The following DCUN1D1 variants were observed in gnomAD, a reference collection of about 807,000 sequenced individuals.
DCUN1D1 encodes DCN1-like protein 1.
DCUN1D1 carries 3 observed loss-of-function variants against 39.0 expected under a neutral mutation model. The observed-to-expected ratio is 0.08, with a 90% CI of 0.04 to 0.20. The LOEUF (loss-of-function observed/expected upper bound fraction) is 0.20. DCUN1D1 is among the 10% of genes least tolerant of loss of function. The pLI, the probability that DCUN1D1 is intolerant of heterozygous loss-of-function variation, is 1.00. For synonymous variants in DCUN1D1, 82 were observed against 96.3 expected, an observed-to-expected ratio of 0.85 and a Z score of 0.87; for missense variants, 158 against 302.4, an observed-to-expected ratio of 0.52 and a Z score of 3.54.
upstream of DCUN1D1, among the ~76,000 whole-genome samples, chr3:182,981,576 G>A (rs1728552457): frequency 1.3e-5 from 2 of 151,514 alleles, no homozygotes; most frequent in Admixed American, 1.3e-4. Context: ...AGCTAAGAAA[G>A]CAAACTCACT....
intron 4 of DCUN1D1, among the ~76,000 whole-genome samples, chr3:182,948,021 C>G (rs948203509): frequency 1.3e-5 from 2 of 152,132 alleles, no homozygotes; most frequent in African/African-American, 4.8e-5. Context: ...GTCCTGTGTA[C>G]TGTAGGAAAT....
In DCUN1D1 at chr3:182,980,538, T is replaced by A. The variant is rs978493757; in HGVS notation, c.-49A>T. ...CCTCCTCCTCCGGCTCCGCAGCGAA[T>A]GGACGGCGGCGGCGGCGGCGGCTCC... is the stretch of plus-strand genomic sequence containing the variant. On this transcript the variant is annotated 5_prime_UTR_variant, in exon 1 of 7. Coordinates refer to ENST00000292782, the MANE Select transcript of DCUN1D1 (RefSeq NM_020640.4). The A allele has an allele frequency of 4.1e-6, 5 of 1,224,692 alleles. No individual in the cohort carries two copies. The highest frequency in any genetic ancestry group is 5.2e-6 in the Non-Finnish European group (5 of 965,410). The allele number at this position is 1,224,692 out of a possible 1,614,324, so 75.9% of individuals were successfully genotyped here.
chr3:182,949,489 G>C (rs968052564), intron 4 of DCUN1D1, among the ~76,000 whole-genome samples: 2 of 152,270 alleles, frequency 1.3e-5, no homozygotes, highest in East Asian at 3.9e-4. Flanking sequence ...GGAAGCTGAG[G>C]CGAGAAGACT....
chr3:182,966,350 T>C (rs1031793703), intron 1 of DCUN1D1, among the ~76,000 whole-genome samples: 14 of 152,182 alleles, frequency 9.2e-5, no homozygotes, highest in Admixed American at 9.2e-4. Context: ...TCGACATTTC[T>C]CCTAGTTGTA....
At chr3:182,958,117 G>A (rs1727187306) in intron 4 of DCUN1D1, among the ~76,000 whole-genome samples, 1 of 151,696 alleles carries the variant, frequency 6.6e-6, no homozygotes, top group Admixed American at 6.6e-5. Flanking sequence ...TAATTTAAGA[G>A]CACTGTGAAC....
At chr3:182,969,276 C>T (rs1007348769) in intron 1 of DCUN1D1, among the ~76,000 whole-genome samples, 2 of 152,214 alleles carry the variant, frequency 1.3e-5, no homozygotes, top group Non-Finnish European at 2.9e-5. Context: ...GTAACACTCC[C>T]ATCCCCTTTT....
intron 4 of DCUN1D1, among the ~76,000 whole-genome samples, chr3:182,958,496 T>G (rs1727211653): frequency 1.3e-5 from 2 of 152,046 alleles, no homozygotes. Context: ...TGTATGGCTG[T>G]GGGGGGGTCT....
At chr3:182,977,501 A>G (rs1728295961) in intron 1 of DCUN1D1, among the ~76,000 whole-genome samples, 1 of 151,884 alleles carries the variant, frequency 6.6e-6, no homozygotes, top group Non-Finnish European at 1.5e-5. Context: ...CAATGACGCG[A>G]TCTCGGCTCA....
At chr3:182,977,802 G>A (rs960678930) in intron 1 of DCUN1D1, among the ~76,000 whole-genome samples, 1 of 151,888 alleles carries the variant, frequency 6.6e-6, no homozygotes, top group African/African-American at 2.4e-5. Flanking sequence ...CACCTTGGGC[G>A]GCCGAGGCAG....
At chr3:182,968,939 C>T (rs1290292379) in intron 1 of DCUN1D1, among the ~76,000 whole-genome samples, 1 of 152,142 alleles carries the variant, frequency 6.6e-6, no homozygotes, top group Non-Finnish European at 1.5e-5. Flanking sequence ...TAAATTTCCA[C>T]TATATAGGGC....
intron 2 of DCUN1D1, among the ~76,000 whole-genome samples, chr3:182,964,635 CTTTTT>C (rs951243180): frequency 1.9e-5 from 2 of 107,486 alleles, no homozygotes; most frequent in Admixed American, 1.0e-4. Flanking sequence ...TAACACCTTT[CTTTTT>C]TTTTTTTTTT....
At chr3:182,969,313 G>A (rs1312725740) in intron 1 of DCUN1D1, among the ~76,000 whole-genome samples, 2 of 152,218 alleles carry the variant, frequency 1.3e-5, no homozygotes, top group Non-Finnish European at 2.9e-5. Context: ...GTACCAGGCA[G>A]TGTTCTGATT....
chr3:182,981,116 TC>T (rs551762220), upstream of DCUN1D1, among the ~76,000 whole-genome samples: 7 of 150,586 alleles, frequency 4.6e-5, no homozygotes, highest in African/African-American at 1.2e-4. Flanking sequence ...GAGACCTTAG[TC>T]CCCCCCCTGC....
upstream of DCUN1D1, among the ~76,000 whole-genome samples, chr3:182,983,309 G>A (rs78404009): frequency 0.029 from 4,376 of 152,178 alleles, 79 homozygotes; most frequent in East Asian, 0.1. Context: ...TCCTCACTGC[G>A]ACACATACTA....
intron 1 of DCUN1D1, among the ~76,000 whole-genome samples, chr3:182,975,134 G>A (rs1390550606): frequency 6.6e-6 from 1 of 150,988 alleles, no homozygotes; most frequent in Non-Finnish European, 1.5e-5. Context: ...TGACCCAAAT[G>A]ACCTGTTCTT....
At chr3:182,955,552 A>G in intron 4 of DCUN1D1, 4 of 526,824 alleles carry the variant, frequency 7.6e-6, no homozygotes, top group South Asian at 5.6e-5. Flanking sequence ...ATGCCACTCA[A>G]GAACTTCTTT....
intron 1 of DCUN1D1, among the ~76,000 whole-genome samples, chr3:182,977,538 T>C (rs1299239327): frequency 6.6e-6 from 1 of 151,950 alleles, no homozygotes; most frequent in Admixed American, 6.6e-5. Context: ...TGGGTTCCAG[T>C]GATTCTCCCG....
intron 4 of DCUN1D1, among the ~76,000 whole-genome samples, chr3:182,954,824 T>C (rs536582458): frequency 1.6e-4 from 25 of 152,300 alleles, no homozygotes; most frequent in Non-Finnish European, 3.1e-4. Flanking sequence ...TATAATAATG[T>C]CATTTTATTT....
chr3:182,947,101 C>A, intron 6 of DCUN1D1, 137 bp downstream of exon 6: 1 of 584,026 alleles, frequency 1.7e-6, no homozygotes, highest in Non-Finnish European at 3.0e-6. Flanking sequence ...GACTCTATCT[C>A]AAAAAAAACA....
Sources: gnomAD v4.1 joint callset for allele counts (sites outside exome capture counted in the v4.1 genomes callset) on GRCh38, gnomAD v4.1.1 for gene constraint, MANE v1.5 for transcripts, NCBI Gene and HGNC (gene_info 2026-07-23, HGNC 2026-07-21) for gene names.